The following GDAP1L1 variants were observed in gnomAD, a reference collection of about 807,000 sequenced individuals.
GDAP1L1 encodes the protein ganglioside-induced differentiation-associated protein 1-like 1.
A neutral mutation model predicts 37.1 loss-of-function variants in GDAP1L1; 21 were observed. The ratio of observed to expected loss-of-function variants is 0.57; its 90% CI spans 0.40 to 0.81. The LOEUF is 0.81. Among genes scored for constraint, GDAP1L1 ranks in the 40% least tolerant of loss-of-function variants. The probability of loss-of-function intolerance (pLI) is 0.00; values close to 1 mark genes in which losing one functional copy is unlikely to be tolerated. For synonymous variants in GDAP1L1, 193 were observed against 209.1 expected, an observed-to-expected ratio of 0.92 and a Z score of 0.67; for missense variants, 362 against 491.6, an observed-to-expected ratio of 0.74 and a Z score of 2.49.
In GDAP1L1 at chr20:44,247,388, C is replaced by T. The variant is rs758662793; in HGVS notation, c.54C>T (p.Ser18=). 6.3e-5 allele frequency: 102 copies of T among 1,613,174 alleles called. 3 individuals carry two copies. The South Asian group carries it at 1.1e-3, about 17-fold the overall frequency. The change falls in exon 1 of 6, where the codon TCC becomes TCT. Residue 18 remains serine (S), a synonymous_variant. Transcript: ENST00000342560. ...CCAACTGCAGCTGGTGGCCCATCTC[C>T]GCGCTGGAGAGCGATGCGGCCAAGC... ...TPTNCSWWPI[S]ALESDAAKPA... is the part of the protein sequence containing the mutation.
chr20:44,251,128 T>C (rs1047107805), intron 1 of GDAP1L1, among the ~76,000 whole-genome samples: 2 of 152,194 alleles, frequency 1.3e-5, no homozygotes, highest in Non-Finnish European at 2.9e-5. Flanking sequence ...TTCCTTTTCT[T>C]AAAAGTGAGG....
chr20:44,263,168 G>A (rs1034462640), intron 3 of GDAP1L1, 62 bp from the exon 4 acceptor site: 4 of 1,255,078 alleles, frequency 3.2e-6, no homozygotes, highest in Non-Finnish European at 4.7e-6. Context: ...GTTGTGTAAG[G>A]CAGGTGATGG....
chr20:44,272,941 A>G (rs1052529690), intron 5 of GDAP1L1, among the ~76,000 whole-genome samples: 5 of 152,244 alleles, frequency 3.3e-5, no homozygotes, highest in African/African-American at 1.2e-4. Flanking sequence ...CAGGGCAAAC[A>G]TGCAGTCTAT....
chr20:44,257,084 C>T, intron 1 of GDAP1L1, 69 bp from the exon 2 acceptor site: 1 of 1,464,688 alleles, frequency 6.8e-7, no homozygotes, highest in Non-Finnish European at 9.1e-7. Flanking sequence ...CCCGCACACC[C>T]CCGCCCCACC....
chr20:44,247,179 C>T (rs2073344293), upstream of GDAP1L1: 2 of 742,780 alleles, frequency 2.7e-6, no homozygotes, highest in Admixed American at 2.6e-5. Flanking sequence ...CCGGGATCCC[C>T]TCGCCCCCTC....
intron 3 of GDAP1L1, among the ~76,000 whole-genome samples, chr20:44,258,973 C>A (rs2073620280): frequency 6.6e-6 from 1 of 151,882 alleles, no homozygotes. Context: ...CCTGCCCCCC[C>A]CATACACAGA....
At chr20:44,257,763 C>A (rs975602456) in intron 2 of GDAP1L1, among the ~76,000 whole-genome samples, 6 of 152,090 alleles carry the variant, frequency 3.9e-5, no homozygotes, top group African/African-American at 1.4e-4. Flanking sequence ...GGGCCCAGCT[C>A]CCTCTGGAAC....
intron 5 of GDAP1L1, among the ~76,000 whole-genome samples, chr20:44,267,598 A>G (rs2146034136): frequency 6.6e-6 from 1 of 151,350 alleles, no homozygotes; most frequent in African/African-American, 2.4e-5. Flanking sequence ...GCACCAGAGC[A>G]AGACTCTGTC....
At chr20:44,253,798 T>C (rs1185964326) in intron 1 of GDAP1L1, among the ~76,000 whole-genome samples, 1 of 152,192 alleles carries the variant, frequency 6.6e-6, no homozygotes, top group South Asian at 2.1e-4. Flanking sequence ...AAGGTGAAAG[T>C]CTCCTTGGCC....
intron 3 of GDAP1L1, among the ~76,000 whole-genome samples, 176 bp downstream of exon 3, chr20:44,258,783 C>T (rs1172639495): frequency 6.6e-6 from 1 of 152,070 alleles, no homozygotes; most frequent in African/African-American, 2.4e-5. Context: ...GGGTTGGTTT[C>T]TCACTCTGCT....
intron 5 of GDAP1L1, 58 bp downstream of exon 5, chr20:44,264,617 T>C: frequency 6.3e-7 from 1 of 1,579,140 alleles, no homozygotes; most frequent in East Asian, 2.3e-5. Context: ...ACTCTTCCCC[T>C]GCCCAGTCTC....
At chr20:44,265,111 A>G (rs1217989016) in intron 5 of GDAP1L1, 21 of 985,104 alleles carry the variant, frequency 2.1e-5, no homozygotes, top group African/African-American at 5.2e-5. Context: ...ACTACCCACC[A>G]CACCATCCCA....
rs544384252 is a variant in GDAP1L1, at chr20:44,279,006, T to C, written c.810T>C (p.Asp270=). 8.1e-6 allele frequency: 13 copies of C among 1,613,982 alleles called. No homozygotes were observed. The highest frequency in any genetic ancestry group is 1.1e-5 in the Non-Finnish European group (13 of 1,179,996). The part of the protein sequence containing the change: ...WLCGCAFTLA[D]VLLGATLHRL... Reference sequence around the variant, plus strand: ...GTGGCTGTGCCTTCACCCTCGCTGATGTCCTCCTGGGAGCCACCCTGCACC... The same window carrying C: ...GTGGCTGTGCCTTCACCCTCGCTGACGTCCTCCTGGGAGCCACCCTGCACC... The change falls in exon 6 of 6, where the codon GAT becomes GAC. Residue 270 remains aspartate (D), a synonymous_variant. Coordinates refer to ENST00000342560, the MANE Select transcript of GDAP1L1 (RefSeq NM_024034.6).
At chr20:44,252,776 T>C (rs902620509) in intron 1 of GDAP1L1, among the ~76,000 whole-genome samples, 10 of 151,236 alleles carry the variant, frequency 6.6e-5, no homozygotes, top group African/African-American at 2.4e-4. Flanking sequence ...TGAGCTGAGA[T>C]TGCACCATTG....
rs201559146 is a variant in GDAP1L1 at position 44,263,289 on chromosome 20, C to G, written c.607C>G (p.Leu203Val). Reference sequence around the variant, plus strand: ...ACTGGACCATGAAGAGGAGCCCCAGCTCTCCGAGCCCTACCTTTCTAAACA... The same window carrying G: ...ACTGGACCATGAAGAGGAGCCCCAGGTCTCCGAGCCCTACCTTTCTAAACA... ...MKLDHEEEPQLSEPYLSKQKK... is the reference protein window; with the variant it reads ...MKLDHEEEPQVSEPYLSKQKK... The change falls in exon 4 of 6, where the codon CTC (leucine) becomes GTC (valine). Residue 203 changes from leucine (L) to valine (V), a missense_variant. Physicochemically the swap from Leu to Val is conservative, Grantham distance 32 (BLOSUM62 1). Around this residue, in one of 2 missense-constraint regions of GDAP1L1, gnomAD observed 277 missense variants for 337.1 expected, o/e 0.82. Coordinates refer to ENST00000342560, the MANE Select transcript of GDAP1L1 (RefSeq NM_024034.6). 6.8e-6 allele frequency: 11 copies of G among 1,614,160 alleles called. No individual in the cohort carries two copies. Among genetic ancestry groups the G allele is most frequent in the Non-Finnish European group, 9.3e-6 (11 of 1,180,004 alleles).
chr20:44,276,384 A>AAGGAAGGAAGGAAGGAAGGAAGG, intron 5 of GDAP1L1, among the ~76,000 whole-genome samples: 1 of 145,284 alleles, frequency 6.9e-6, no homozygotes, highest in African/African-American at 2.7e-5. Context: ...GGAAGGAAGG[A>AAGGAAGGAAGGAAGGAAGGAAGG]AAAGAAAAGA....
At chr20:44,253,709 C>T (rs1240038641) in intron 1 of GDAP1L1, among the ~76,000 whole-genome samples, 1 of 152,228 alleles carries the variant, frequency 6.6e-6, no homozygotes, top group Non-Finnish European at 1.5e-5. Context: ...AGCTGAATGC[C>T]CTTCCCTTAG....
In GDAP1L1 at chr20:44,277,276, G is replaced by A. The variant is rs62205995; in HGVS notation, c.761-1681G>A. On this transcript the variant is annotated intron_variant, in intron 5 of 5. Transcript: ENST00000342560. ...GCCACGGCGCCCAGCCAAAACTTCC[G>A]TTTTAAATTGGCAGTCTGGGAAGCC... Among the ~76,000 whole-genome samples, 156 of 152,204 alleles carry A rather than the reference G, an allele frequency of 1.0e-3. 2 individuals are homozygous for A. In the South Asian group the frequency reaches 0.015, roughly 15 times the overall value.
upstream of GDAP1L1, chr20:44,247,299 A>C (rs1390173506): frequency 1.2e-6 from 2 of 1,607,818 alleles, no homozygotes; most frequent in Non-Finnish European, 1.7e-6. Flanking sequence ...GCCGCGCCGG[A>C]GCCTCCTTCT....
Sources: allele counts gnomAD v4.1 joint callset (sites outside exome capture counted in the v4.1 genomes callset), GRCh38; gene constraint gnomAD v4.1.1; regional missense constraint gnomAD v4.1.1; transcripts MANE v1.5; gene names NCBI Gene and HGNC (gene_info 2026-07-23, HGNC 2026-07-21).